BTBD9: variants seen among roughly 807,000 people sequenced by gnomAD.
The protein encoded by BTBD9 is BTB domain containing 9, also known as BTB/POZ domain-containing protein 9.
Under a neutral mutation model 64.3 loss-of-function variants are expected in BTBD9, and 49 were observed. That is an observed-to-expected ratio of 0.76 (90% confidence interval 0.61 to 0.97). BTBD9 has a LOEUF of 0.97. Ranked by LOEUF, BTBD9 falls within the 50% of genes least tolerant of loss-of-function variation. The pLI, the probability that BTBD9 is intolerant of heterozygous loss-of-function variation, is 0.00. For missense variants in BTBD9, 598 were observed against 762.1 expected (o/e 0.78, Z 2.53); for synonymous variants, 260 against 274.7 (o/e 0.95, Z 0.53).
chr6:38,185,145 C>T (rs190229674), intron 10 of BTBD9, among the ~76,000 whole-genome samples: 3 of 152,176 alleles, frequency 2.0e-5, no homozygotes, highest in Non-Finnish European at 2.9e-5. Flanking sequence ...TCACTCGATC[C>T]GTTTTACAGA....
intron 9 of BTBD9, among the ~76,000 whole-genome samples, chr6:38,211,564 G>A (rs191265164): frequency 4.3e-4 from 65 of 152,140 alleles, no homozygotes; most frequent in Admixed American, 3.3e-3. Flanking sequence ...CCAACATGGC[G>A]AAAGCCCATC....
Position 38,611,873 on chromosome 6 carries a change from T to C in BTBD9, c.-27-13752A>G, listed in dbSNP as rs1049208659. Among the ~76,000 whole-genome samples the C allele has an allele frequency of 1.8e-4, 27 of 152,342 alleles. 1 individual carries two copies. The highest frequency in any genetic ancestry group is 5.9e-4 in the Admixed American group (9 of 15,306). ...TATGTTTCTCATTTTTTTCCAAATATATTTAAACTTACAAAACCACTTAAT... is the reference window on the plus strand; with the variant it reads ...TATGTTTCTCATTTTTTTCCAAATACATTTAAACTTACAAAACCACTTAAT... On this transcript the variant is annotated intron_variant, in intron 1 of 10. Transcript: ENST00000481247.
intron 9 of BTBD9, among the ~76,000 whole-genome samples, chr6:38,249,875 A>G (rs918075375): frequency 6.6e-6 from 1 of 152,162 alleles, no homozygotes; most frequent in Non-Finnish European, 1.5e-5. Flanking sequence ...ATAGAAACTA[A>G]TACTTCTTGT....
chr6:38,530,476 C>A, intron 6 of BTBD9, among the ~76,000 whole-genome samples: 1 of 152,098 alleles, frequency 6.6e-6, no homozygotes, highest in Admixed American at 6.6e-5. Context: ...CATCACGGTC[C>A]TACTGATATG....
At chr6:38,518,039 T>C (rs534160665) in intron 6 of BTBD9, among the ~76,000 whole-genome samples, 1 of 152,172 alleles carries the variant, frequency 6.6e-6, no homozygotes, top group South Asian at 2.1e-4. Context: ...ATGACAAATA[T>C]TAAAAAGTAG....
chr6:38,404,445 T>C (rs1274626319), intron 6 of BTBD9, among the ~76,000 whole-genome samples: 1 of 152,144 alleles, frequency 6.6e-6, no homozygotes, highest in Non-Finnish European at 1.5e-5. Context: ...GCATCTTATC[T>C]GGCACAGTTC....
chr6:38,420,308 G>C (rs1021610385), intron 6 of BTBD9, among the ~76,000 whole-genome samples: 1 of 152,130 alleles, frequency 6.6e-6, no homozygotes, highest in African/African-American at 2.4e-5. Flanking sequence ...GAAAACAACA[G>C]AGTGGCACTG....
chr6:38,629,562 G>A (rs1778290545), intron 1 of BTBD9, among the ~76,000 whole-genome samples: 1 of 152,248 alleles, frequency 6.6e-6, no homozygotes, highest in African/African-American at 2.4e-5. Flanking sequence ...GGTGGCTCAT[G>A]CCTGTAATCC....
intron 2 of BTBD9, among the ~76,000 whole-genome samples, chr6:38,595,167 T>C (rs887732065): frequency 2.6e-5 from 4 of 152,240 alleles, no homozygotes; most frequent in Non-Finnish European, 4.4e-5. Flanking sequence ...AATATTTACA[T>C]GTTTATGCAC....
chr6:38,586,099 G>T (rs1163384983), intron 4 of BTBD9, among the ~76,000 whole-genome samples: 1 of 151,964 alleles, frequency 6.6e-6, no homozygotes, highest in Admixed American at 6.6e-5. Context: ...TAAACATTCA[G>T]AAACAAGAAA....
At chr6:38,179,431 T>C (rs1343752317) in intron 10 of BTBD9, 1 of 456,746 alleles carries the variant, frequency 2.2e-6, no homozygotes, top group Non-Finnish European at 4.4e-6. Flanking sequence ...GGGGCGGGCA[T>C]ACTGCGGTGC....
chr6:38,328,519 G>T (rs1482175819), intron 7 of BTBD9, among the ~76,000 whole-genome samples: 1 of 149,850 alleles, frequency 6.7e-6, no homozygotes, highest in African/African-American at 2.5e-5. Flanking sequence ...TGGACTTTCA[G>T]CCTCCAGAAC....
intron 6 of BTBD9, among the ~76,000 whole-genome samples, chr6:38,439,168 T>A (rs1225091148): frequency 1.4e-5 from 2 of 141,932 alleles, no homozygotes; most frequent in Non-Finnish European, 3.0e-5. Flanking sequence ...TCACCCAGGC[T>A]GGAGTGCAAT....
chr6:38,609,760 G>A (rs921890744), intron 1 of BTBD9, among the ~76,000 whole-genome samples: 1 of 152,066 alleles, frequency 6.6e-6, no homozygotes, highest in Non-Finnish European at 1.5e-5. Context: ...ATCTAATATT[G>A]AATTCTCTTT....
At chr6:38,326,120 A>C (rs1763417899) in intron 7 of BTBD9, among the ~76,000 whole-genome samples, 1 of 152,262 alleles carries the variant, frequency 6.6e-6, no homozygotes, top group South Asian at 2.1e-4. Flanking sequence ...TGAAACTTAA[A>C]GGTATAACAG....
chr6:38,216,476 C>G (rs959993117), intron 9 of BTBD9, among the ~76,000 whole-genome samples: 1 of 152,138 alleles, frequency 6.6e-6, no homozygotes. Flanking sequence ...AACACAGGCT[C>G]CCTCTTAAGA....
At chr6:38,428,345 T>G (rs974419573) in intron 6 of BTBD9, among the ~76,000 whole-genome samples, 1 of 113,648 alleles carries the variant, frequency 8.8e-6, no homozygotes, top group African/African-American at 2.8e-5. Context: ...CAAAAACCTT[T>G]GTACACAACT....
chr6:38,394,207 C>T (rs1380633802), intron 6 of BTBD9, among the ~76,000 whole-genome samples: 5 of 152,130 alleles, frequency 3.3e-5, no homozygotes, highest in Admixed American at 2.0e-4. Context: ...GGCCAGGAAA[C>T]AGGCAACTAT....
At position 38,182,735 on chromosome 6, in the gene BTBD9, C is replaced by G. The variant is rs114417314; in HGVS notation, c.1642-7553G>C. On this transcript the variant is annotated intron_variant, in intron 10 of 10. Coordinates refer to ENST00000481247, the MANE Select transcript of BTBD9 (RefSeq NM_001099272.2). ...ACACATCTGAGGGGACCCTCACAAGCTGCTGTCTCCATGCGTCTCACTGCT... is the reference window on the plus strand; with the variant it reads ...ACACATCTGAGGGGACCCTCACAAGGTGCTGTCTCCATGCGTCTCACTGCT... Among the ~76,000 whole-genome samples the G allele has an allele frequency of 4.4e-3, 666 of 152,314 alleles. 7 individuals are homozygous for G. The highest frequency in any genetic ancestry group is 0.015 in the African/African-American group (634 of 41,568).
Sources: gnomAD v4.1 joint callset for allele counts (sites outside exome capture counted in the v4.1 genomes callset) on GRCh38, gnomAD v4.1.1 for gene constraint, MANE v1.5 for transcripts, NCBI Gene and HGNC (gene_info 2026-07-23, HGNC 2026-07-21) for gene names.